RHOD: variants seen among roughly 807,000 people sequenced by gnomAD.
The protein encoded by RHOD is rho-related GTP-binding protein RhoD.
In RHOD, 11 loss-of-function variants were observed where a neutral mutation model predicts 16.7. That is an observed-to-expected ratio of 0.66 (90% CI 0.41 to 1.09). RHOD has a LOEUF of 1.09. RHOD is among the 50% of genes least tolerant of loss of function. The pLI is 0.00. For synonymous variants in RHOD, 124 were observed against 126.3 expected (o/e 0.98, Z 0.12); for missense variants, 271 against 291.7 (o/e 0.93, Z 0.52).
intron 1 of RHOD, among the ~76,000 whole-genome samples, chr11:67,060,026 G>C (rs1012764498): frequency 3.9e-5 from 6 of 152,240 alleles, no homozygotes; most frequent in African/African-American, 1.4e-4. Flanking sequence ...GAAGCCCCAG[G>C]CTGGGGTGCC....
chr11:67,064,137 T>C (rs905916123), intron 1 of RHOD, among the ~76,000 whole-genome samples: 5 of 122,874 alleles, frequency 4.1e-5, no homozygotes, highest in Non-Finnish European at 8.1e-5. Context: ...CCGGGCGCGG[T>C]GGCTCACGCC....
At chr11:67,059,378 G>A (rs945949558) in intron 1 of RHOD, among the ~76,000 whole-genome samples, 1 of 151,730 alleles carries the variant, frequency 6.6e-6, no homozygotes, top group Non-Finnish European at 1.5e-5. Context: ...CATGTCTACC[G>A]AAAATACAAA....
intron 1 of RHOD, among the ~76,000 whole-genome samples, chr11:67,065,216 C>T (rs1854942863): frequency 6.6e-6 from 1 of 152,114 alleles, no homozygotes; most frequent in African/African-American, 2.4e-5. Context: ...GCTAGGATTA[C>T]AGGCATGTGC....
intron 1 of RHOD, among the ~76,000 whole-genome samples, chr11:67,065,264 C>T (rs1027219908): frequency 4.6e-5 from 7 of 152,148 alleles, no homozygotes; most frequent in African/African-American, 1.2e-4. Flanking sequence ...TTAGTAGAGA[C>T]AGGGTTTCAC....
At chr11:67,061,756 ATAT>A (rs1420717003) in intron 1 of RHOD, among the ~76,000 whole-genome samples, 4 of 107,232 alleles carry the variant, frequency 3.7e-5, no homozygotes, top group African/African-American at 5.4e-5. Flanking sequence ...AAAAAAAAAA[ATAT>A]ATATATATAT....
At chr11:67,069,220 G>A (rs1170007211) in intron 3 of RHOD, among the ~76,000 whole-genome samples, 2 of 152,160 alleles carry the variant, frequency 1.3e-5, no homozygotes, top group Non-Finnish European at 2.9e-5. Flanking sequence ...GCCCCCTCCC[G>A]GGATCCCCGG....
chr11:67,057,183 C>G, intron 1 of RHOD, 149 bp downstream of exon 1: 1 of 1,008,926 alleles, frequency 9.9e-7, no homozygotes, highest in Non-Finnish European at 1.3e-6. Context: ...TTCTTCCGCC[C>G]CAGCCATTGG....
chr11:67,071,553 G>T lies in RHOD; in HGVS notation c.584G>T (p.Gly195Val). Residue 195 changes from glycine (G) to valine (V), a missense_variant, in exon 5 of 5, where the codon GGT becomes GTT. Gly to Val is a moderately radical substitution (Grantham distance 109). Transcript: ENST00000308831. Reference protein sequence around the residue: ...EAAEVALSSRGRNFWRRITQG... With the variant: ...EAAEVALSSRVRNFWRRITQG... Reference sequence around the variant, plus strand: ...GCCGAGGTGGCCCTCAGCAGCCGCGGTCGCAACTTCTGGCGGCGGATTACC... The same window carrying T: ...GCCGAGGTGGCCCTCAGCAGCCGCGTTCGCAACTTCTGGCGGCGGATTACC... 1 of 1,611,890 alleles carries T rather than the reference G, an allele frequency of 6.2e-7. No individual in the cohort carries two copies.
intron 4 of RHOD, among the ~76,000 whole-genome samples, chr11:67,071,198 T>TGCACTCCA (rs1173223210): frequency 1.3e-5 from 2 of 152,026 alleles, no homozygotes; most frequent in African/African-American, 4.8e-5. Flanking sequence ...ATCGCACCAC[T>TGCACTCCA]GCACTCCAGC....
At chr11:67,066,881 A>C in intron 3 of RHOD, 34 bp downstream of exon 3, 1 of 1,403,878 alleles carries the variant, frequency 7.1e-7, no homozygotes, top group Non-Finnish European at 1.0e-6. Context: ...CATAGCCCCC[A>C]TAGCCAGGCC....
chr11:67,062,229 G>A (rs1194288572), intron 1 of RHOD, among the ~76,000 whole-genome samples: 2 of 152,108 alleles, frequency 1.3e-5, no homozygotes, highest in Admixed American at 1.3e-4. Flanking sequence ...TTTATGCTGG[G>A]GCCTCACCTG....
At position 67,071,506 on chromosome 11, in the gene RHOD, C is replaced by G. The variant is rs1855029699; in HGVS notation, c.537C>G (p.Val179=). 1.2e-6 allele frequency: 2 copies of G among 1,611,574 alleles called. No homozygotes were observed. The highest frequency in any genetic ancestry group is 1.7e-6 in the Non-Finnish European group (2 of 1,179,628). Residue 179 remains valine, a synonymous_variant, in exon 5 of 5, where the codon GTC becomes GTG. Transcript: ENST00000308831. ...GCTCGGCTCGGCTCCATGACAACGTCCACGCCGTCTTCCAGGAGGCCGCCG... is the reference window on the plus strand; with the variant it reads ...GCTCGGCTCGGCTCCATGACAACGTGCACGCCGTCTTCCAGGAGGCCGCCG... ...LECSARLHDN[V]HAVFQEAAEV...
chr11:67,065,287 C>G (rs984835364), intron 1 of RHOD, among the ~76,000 whole-genome samples: 2 of 152,086 alleles, frequency 1.3e-5, no homozygotes, highest in Non-Finnish European at 2.9e-5. Context: ...TGTTGGTCAG[C>G]CTGGTCTCAA....
chr11:67,058,427 T>A (rs906480762), intron 1 of RHOD, among the ~76,000 whole-genome samples: 2 of 152,158 alleles, frequency 1.3e-5, no homozygotes, highest in African/African-American at 2.4e-5. Context: ...CCGCCCACCT[T>A]GGCCTCCCAA....
chr11:67,063,474 C>A (rs1854916368), intron 1 of RHOD, among the ~76,000 whole-genome samples: 1 of 144,422 alleles, frequency 6.9e-6, no homozygotes, highest in Non-Finnish European at 1.5e-5. Context: ...GCCTGGGTGA[C>A]AGAGTGAGAC....
At chr11:67,058,704 CA>C (rs1377292431) in intron 1 of RHOD, among the ~76,000 whole-genome samples, 1 of 152,184 alleles carries the variant, frequency 6.6e-6, no homozygotes, top group Non-Finnish European at 1.5e-5. Flanking sequence ...GGGCCTACCC[CA>C]GTTCTTATCA....
rs547138756 is a variant in RHOD at position 67,068,215 on chromosome 11, G to A, written c.330+1368G>A. Among the ~76,000 whole-genome samples the A allele has an allele frequency of 2.0e-4, 30 of 152,342 alleles. 1 individual carries two copies. The South Asian group carries it at 6.0e-3, about 30-fold the overall frequency. The stretch of plus-strand genomic sequence containing the variant: ...AGTGGAGGTGTCCGGCAGGCAGTGC[G>A]ATGCATGCGTCTGCAGTTCCTCCGA... On this transcript the variant is annotated intron_variant, in intron 3 of 4. Transcript: ENST00000308831.
chr11:67,057,166 G>A (rs1259535589), intron 1 of RHOD, 132 bp downstream of exon 1: 6 of 1,131,954 alleles, frequency 5.3e-6, no homozygotes, highest in Admixed American at 8.5e-5. Context: ...TGGGGTCCAG[G>A]GCAGAGTTCT....
intron 1 of RHOD, among the ~76,000 whole-genome samples, chr11:67,059,464 A>G (rs1854859402): frequency 6.6e-6 from 1 of 151,700 alleles, no homozygotes; most frequent in African/African-American, 2.4e-5. Context: ...AATCGCTTGA[A>G]CTCAGGAGGT....
Sources: allele counts gnomAD v4.1 joint callset (sites outside exome capture counted in the v4.1 genomes callset), GRCh38; gene constraint gnomAD v4.1.1; transcripts MANE v1.5; gene names NCBI Gene and HGNC (gene_info 2026-07-23, HGNC 2026-07-21).